The following RGS7 variants were observed in gnomAD, a reference collection of about 807,000 sequenced individuals.
RGS7 encodes regulator of G protein signaling 7.
A neutral mutation model predicts 81.1 loss-of-function variants in RGS7; 27 were observed. The observed-to-expected ratio is 0.33, with a 90% confidence interval of 0.25 to 0.46. The LOEUF (loss-of-function observed/expected upper bound fraction) is 0.46. Among genes scored for constraint, RGS7 ranks in the 20% least tolerant of loss-of-function variants. The probability of loss-of-function intolerance (pLI) is 1.00; values close to 1 mark genes in which losing one functional copy is unlikely to be tolerated. For synonymous variants in RGS7, 208 were observed against 207.7 expected, an observed-to-expected ratio of 1.00 and a Z score of -0.01; for missense variants, 396 against 607.4, an observed-to-expected ratio of 0.65 and a Z score of 3.66.
At chr1:241,004,048 G>T (rs529357333) in intron 3 of RGS7, among the ~76,000 whole-genome samples, 2 of 152,144 alleles carry the variant, frequency 1.3e-5, no homozygotes, top group African/African-American at 4.8e-5. Flanking sequence ...ATTCATTTAG[G>T]ACTCTGCTGG....
At position 240,776,161 on chromosome 1, in the gene RGS7, G is replaced by A. The variant is rs754532001; in HGVS notation, c.*59C>T. On this transcript the variant is annotated 3_prime_UTR_variant, in exon 19 of 19. Transcript: ENST00000440928. ...CTGCATTCATGCTACAAGATGATCC[G>A]TTTAGTAAGACTGAGCAAGGCTTGT... 2.0e-5 allele frequency: 32 copies of A among 1,607,514 alleles called. No individual in the cohort carries two copies. Among genetic ancestry groups the A allele is most frequent in the Middle Eastern group, 1.6e-4 (1 of 6,070 alleles).
chr1:241,335,645 A>G (rs999274267), intron 2 of RGS7, among the ~76,000 whole-genome samples: 3 of 152,148 alleles, frequency 2.0e-5, no homozygotes, highest in Non-Finnish European at 4.4e-5. Context: ...ACACACAAAA[A>G]TCACAAAAAG....
chr1:241,337,643 C>T (rs1214926667), intron 2 of RGS7, among the ~76,000 whole-genome samples: 2 of 152,144 alleles, frequency 1.3e-5, no homozygotes, highest in African/African-American at 2.4e-5. Flanking sequence ...GTATTTATTG[C>T]ACACTTCAAT....
intron 9 of RGS7, among the ~76,000 whole-genome samples, chr1:240,846,124 C>A (rs1365455947): frequency 6.6e-6 from 1 of 152,120 alleles, no homozygotes; most frequent in Admixed American, 6.6e-5. Context: ...TTGACTGAGG[C>A]CTAAATACAG....
chr1:241,176,338 A>ATCGCTG (rs1176952254), intron 2 of RGS7, among the ~76,000 whole-genome samples: 2 of 152,206 alleles, frequency 1.3e-5, no homozygotes, highest in African/African-American at 2.4e-5. Context: ...GACCGAAGCT[A>ATCGCTG]TCCAGGACAT....
At position 240,806,149 on chromosome 1, in the gene RGS7, T is replaced by G. The variant is rs2103071173; in HGVS notation, c.1260A>C (p.Glu420Asp). The G allele has an allele frequency of 6.2e-7, 1 of 1,613,752 alleles. No homozygotes were observed. Among genetic ancestry groups the G allele is most frequent in the South Asian group, 1.1e-5 (1 of 91,070 alleles). The change falls in exon 15 of 19, where the codon GAA (glutamate) becomes GAC (aspartate). Residue 420 changes from glutamate (E) to aspartate (D), a missense_variant. Physicochemically the swap from Glu to Asp is conservative, Grantham distance 45. Transcript: ENST00000440928. ...CTCACCGTACACCCACCTGAGCATC[T>G]TCAAATGTGTATCGTCCAGGTTCCT... ...NVKEPGRYTF[E>D]DAQEHIYKLM... is the part of the protein sequence containing the mutation.
chr1:240,843,432 A>G (rs1411328534), intron 9 of RGS7, among the ~76,000 whole-genome samples: 1 of 151,466 alleles, frequency 6.6e-6, no homozygotes, highest in African/African-American at 2.4e-5. Flanking sequence ...TGGCTGGCTG[A>G]TTTTTGTATT....
At chr1:240,853,699 G>A (rs571174698) in intron 9 of RGS7, among the ~76,000 whole-genome samples, 4 of 151,982 alleles carry the variant, frequency 2.6e-5, no homozygotes, top group African/African-American at 9.6e-5. Context: ...AGGGCAGGAG[G>A]AGACCATACG....
chr1:240,920,587 G>T, intron 6 of RGS7: 2 of 937,154 alleles, frequency 2.1e-6, no homozygotes, highest in South Asian at 2.6e-5. Context: ...AACAGCAGTA[G>T]CTACGGCAGT....
intron 3 of RGS7, among the ~76,000 whole-genome samples, chr1:240,992,267 G>C (rs1016063260): frequency 6.6e-6 from 1 of 152,190 alleles, no homozygotes; most frequent in Admixed American, 6.5e-5. Context: ...ACTTTGGAAG[G>C]CTGAGATGGG....
At chr1:241,314,083 G>T (rs1380465329) in intron 2 of RGS7, among the ~76,000 whole-genome samples, 1 of 152,202 alleles carries the variant, frequency 6.6e-6, no homozygotes, top group Admixed American at 6.6e-5. Context: ...GAACATTTTT[G>T]AAATGACAAG....
chr1:240,831,075 T>C (rs1213128534), intron 9 of RGS7, among the ~76,000 whole-genome samples: 2 of 152,212 alleles, frequency 1.3e-5, no homozygotes, highest in Non-Finnish European at 2.9e-5. Flanking sequence ...CGGTAAGATA[T>C]GTTTTATAAC....
intron 2 of RGS7, among the ~76,000 whole-genome samples, chr1:241,116,937 T>C (rs2065920362): frequency 1.3e-5 from 2 of 152,206 alleles, no homozygotes; most frequent in South Asian, 2.1e-4. Flanking sequence ...GTAATATAGA[T>C]AATGCAATCA....
At chr1:241,307,768 C>CTAAGTCAA (rs2080264865) in intron 2 of RGS7, among the ~76,000 whole-genome samples, 1 of 152,012 alleles carries the variant, frequency 6.6e-6, no homozygotes, top group Non-Finnish European at 1.5e-5. Flanking sequence ...ACAACAGATG[C>CTAAGTCAA]TAAGTCAATA....
At chr1:241,288,690 G>T (rs138029632) in intron 2 of RGS7, among the ~76,000 whole-genome samples, 85 of 152,254 alleles carry the variant, frequency 5.6e-4, no homozygotes, top group African/African-American at 2.0e-3. Context: ...CAAACTGAGG[G>T]CGCCTAACAA....
intron 16 of RGS7, among the ~76,000 whole-genome samples, chr1:240,802,018 A>G (rs983703058): frequency 6.6e-6 from 1 of 152,158 alleles, no homozygotes; most frequent in African/African-American, 2.4e-5. Context: ...CTAGAATGTT[A>G]TATAATTTTA....
At chr1:240,919,649 C>A in intron 6 of RGS7, 2 of 471,122 alleles carry the variant, frequency 4.2e-6, no homozygotes, top group East Asian at 3.8e-5. Context: ...TTCTCCCTGC[C>A]CTCATGCCTA....
intron 2 of RGS7, among the ~76,000 whole-genome samples, chr1:241,344,427 C>G (rs534838783): frequency 1.3e-5 from 2 of 152,330 alleles, no homozygotes; most frequent in African/African-American, 4.8e-5. Flanking sequence ...TTACAATGAA[C>G]AGTTCACATA....
intron 2 of RGS7, among the ~76,000 whole-genome samples, chr1:241,165,273 T>C (rs1199884544): frequency 6.6e-6 from 1 of 152,216 alleles, no homozygotes; most frequent in Non-Finnish European, 1.5e-5. Flanking sequence ...AATGATTGCA[T>C]ACCATGTTAC....
Sources: gnomAD v4.1 joint callset for allele counts (sites outside exome capture counted in the v4.1 genomes callset) on GRCh38, gnomAD v4.1.1 for gene constraint, MANE v1.5 for transcripts, NCBI Gene and HGNC (gene_info 2026-07-23, HGNC 2026-07-21) for gene names.